Variants in OPCML observed in about 807,000 individuals in gnomAD.
OPCML encodes opioid-binding protein/cell adhesion molecule.
In OPCML, 13 loss-of-function variants were observed where a neutral mutation model predicts 37.8. The ratio of observed to expected loss-of-function variants is 0.34; its 90% CI spans 0.22 to 0.55. The LOEUF is 0.55. Among genes scored for constraint, OPCML ranks in the 20% least tolerant of loss-of-function variants. OPCML has a pLI of 0.91. For synonymous variants in OPCML, 176 were observed against 168.8 expected (o/e 1.04, Z -0.33); for missense variants, 341 against 435.6 (o/e 0.78, Z 1.93).
chr11:132,715,742 G>C lies in OPCML; in HGVS notation c.147-58423C>G, dbSNP rs142019997. Among the ~76,000 whole-genome samples the C allele has an allele frequency of 1.7e-3, 253 of 152,276 alleles. 3 individuals are homozygous for C. The highest frequency in any genetic ancestry group is 5.5e-3 in the African/African-American group (229 of 41,562). On this transcript the variant is annotated intron_variant, in intron 2 of 7. Coordinates refer to ENST00000524381, the MANE Select transcript of OPCML (RefSeq NM_001012393.5). ...TTGGACTTATAGTGCCTGGCACTGT[G>C]AGAAATAAATTTATGTTGTTAATAG...
chr11:132,666,127 T>C (rs12789954), intron 2 of OPCML, among the ~76,000 whole-genome samples: 1 of 152,290 alleles, frequency 6.6e-6, no homozygotes, highest in East Asian at 1.9e-4. Context: ...ATTAGGATGG[T>C]GTCTTCGTCC....
At chr11:132,799,094 C>A (rs1167800814) in intron 2 of OPCML, among the ~76,000 whole-genome samples, 2 of 152,172 alleles carry the variant, frequency 1.3e-5, no homozygotes, top group Non-Finnish European at 2.9e-5. Context: ...GCTGCATTAG[C>A]CCCTAACAAG....
chr11:133,467,163 C>T (rs745798393), intron 1 of OPCML, among the ~76,000 whole-genome samples: 1 of 152,186 alleles, frequency 6.6e-6, no homozygotes, highest in African/African-American at 2.4e-5. Context: ...AAGATGGTGG[C>T]TTCCTACAAG....
chr11:132,676,789 G>GAAAAAAAAAAAAAAAAAAAAAAAAAAAA (rs1196087295), intron 2 of OPCML, among the ~76,000 whole-genome samples: 3 of 93,800 alleles, frequency 3.2e-5, no homozygotes, highest in South Asian at 3.5e-4. Context: ...AAACAAACAA[G>GAAAAAAAAAAAAAAAAAAAAAAAAAAAA]AAAAAAAAAA....
rs188274743 is a variant in OPCML, at chr11:133,149,200, A to G, written c.62-206190T>C. On this transcript the variant is annotated intron_variant, in intron 1 of 7. Transcript: ENST00000524381. ...TTAGGTTTTGTGGTTTGTTCGTCCT[A>G]ACTTTGTTACGCACCATGATACTTG... Among the ~76,000 whole-genome samples the G allele has an allele frequency of 8.2e-4, 125 of 152,318 alleles. 3 individuals carry two copies. The South Asian group carries it at 8.9e-3, about 11-fold the overall frequency.
intron 1 of OPCML, among the ~76,000 whole-genome samples, chr11:133,193,528 C>T (rs1050720073): frequency 6.6e-6 from 1 of 152,216 alleles, no homozygotes; most frequent in Admixed American, 6.5e-5. Flanking sequence ...ACCACAAAGA[C>T]AATATTTTCC....
chr11:133,235,318 G>C (rs956190607), intron 1 of OPCML, among the ~76,000 whole-genome samples: 1 of 152,146 alleles, frequency 6.6e-6, no homozygotes, highest in African/African-American at 2.4e-5. Context: ...GAGCTCTCAG[G>C]AAAATGAATC....
chr11:133,416,315 C>A (rs867755151), intron 1 of OPCML, among the ~76,000 whole-genome samples: 2 of 152,174 alleles, frequency 1.3e-5, no homozygotes, highest in African/African-American at 2.4e-5. Flanking sequence ...CTCTAAAATT[C>A]TTTAATGGCT....
At chr11:132,681,632 G>A (rs914808996) in intron 2 of OPCML, among the ~76,000 whole-genome samples, 10 of 152,048 alleles carry the variant, frequency 6.6e-5, no homozygotes, top group East Asian at 1.9e-4. Context: ...CCGGGATGCC[G>A]GACAAGAACT....
chr11:132,481,177 T>C (rs368176918), intron 4 of OPCML, among the ~76,000 whole-genome samples: 14 of 152,102 alleles, frequency 9.2e-5, no homozygotes, highest in African/African-American at 2.2e-4. Flanking sequence ...TCAGGAAACC[T>C]ATCTCATGTG....
intron 1 of OPCML, among the ~76,000 whole-genome samples, chr11:133,322,634 C>A (rs150558371): frequency 1.4e-3 from 210 of 152,268 alleles, no homozygotes; most frequent in African/African-American, 5.0e-3. Context: ...TGAGGAAGAG[C>A]CTTCAGCCTT....
At chr11:132,959,627 G>A (rs1946049337) in intron 1 of OPCML, among the ~76,000 whole-genome samples, 1 of 152,164 alleles carries the variant, frequency 6.6e-6, no homozygotes. Context: ...AAATAGCTCT[G>A]TAAGCATCCT....
chr11:133,450,271 T>C (rs1946555130), intron 1 of OPCML, among the ~76,000 whole-genome samples: 1 of 151,750 alleles, frequency 6.6e-6, no homozygotes, highest in African/African-American at 2.4e-5. Flanking sequence ...ATAGTCAAAA[T>C]CATCCTGACT....
At chr11:132,769,240 G>GTT (rs374516026) in intron 2 of OPCML, among the ~76,000 whole-genome samples, 35,742 of 146,114 alleles carry the variant, frequency 0.24, 5,018 homozygotes, top group Non-Finnish European at 0.32. Flanking sequence ...TGGTTTGTTT[G>GTT]TTGTTTTTTT....
chr11:133,346,959 C>T (rs1240360642), intron 1 of OPCML, among the ~76,000 whole-genome samples: 1 of 152,114 alleles, frequency 6.6e-6, no homozygotes, highest in Non-Finnish European at 1.5e-5. Flanking sequence ...TTCCTGACTC[C>T]CAATAGCCTT....
At chr11:133,170,420 AG>A (rs1950273182) in intron 1 of OPCML, among the ~76,000 whole-genome samples, 1 of 152,236 alleles carries the variant, frequency 6.6e-6, no homozygotes. Flanking sequence ...CAGGAGGCAG[AG>A]CTTGCAGTCA....
At chr11:132,766,439 C>T (rs975776638) in intron 2 of OPCML, among the ~76,000 whole-genome samples, 8 of 152,204 alleles carry the variant, frequency 5.3e-5, no homozygotes, top group African/African-American at 1.9e-4. Flanking sequence ...AGCATGCCCT[C>T]CTACCATGAA....
chr11:133,327,024 ATG>A (rs1170298890), intron 1 of OPCML, among the ~76,000 whole-genome samples: 1 of 54,524 alleles, frequency 1.8e-5, no homozygotes, highest in Non-Finnish European at 3.5e-5. Context: ...GGGTGTGTGT[ATG>A]TGGGTGTGGG....
chr11:133,087,548 G>A (rs10750530), intron 1 of OPCML, among the ~76,000 whole-genome samples: 87,525 of 152,090 alleles, frequency 0.58, 25,362 homozygotes, highest in Admixed American at 0.62. Context: ...GCTGGACCAA[G>A]TAAACTTATA....
Sources: allele counts gnomAD v4.1 joint callset (sites outside exome capture counted in the v4.1 genomes callset), GRCh38; gene constraint gnomAD v4.1.1; transcripts MANE v1.5; gene names NCBI Gene and HGNC (gene_info 2026-07-23, HGNC 2026-07-21).